The following RERE variants were observed in gnomAD, a reference collection of about 807,000 sequenced individuals.
RERE encodes the protein arginine-glutamic acid dipeptide repeats protein.
Under a neutral mutation model 146.1 loss-of-function variants are expected in RERE, and 40 were observed. The ratio of observed to expected loss-of-function variants is 0.27; its 90% confidence interval spans 0.21 to 0.36. The LOEUF (loss-of-function observed/expected upper bound fraction) is 0.36, where lower values mean the gene tolerates loss of function less well. RERE is among the 10% of genes least tolerant of loss of function. The probability of loss-of-function intolerance (pLI) is 1.00; values close to 1 mark genes in which losing one functional copy is unlikely to be tolerated. For missense variants in RERE, 1,933 were observed against 2,138.7 expected, an observed-to-expected ratio of 0.90 and a Z score of 1.90; for synonymous variants, 1,003 against 866.0, an observed-to-expected ratio of 1.16 and a Z score of -2.78.
At chr1:8,668,223 G>A (rs1241262626) in intron 1 of RERE, among the ~76,000 whole-genome samples, 1 of 152,170 alleles carries the variant, frequency 6.6e-6, no homozygotes. Flanking sequence ...AAATAAACTA[G>A]ACAAATTCAA....
At chr1:8,781,960 A>G (rs1395576388) in intron 1 of RERE, among the ~76,000 whole-genome samples, 1 of 152,198 alleles carries the variant, frequency 6.6e-6, no homozygotes, top group Admixed American at 6.5e-5. Context: ...CCCTGAAATT[A>G]TACCTGATTT....
At chr1:8,737,823 A>G (rs192193021) in intron 1 of RERE, among the ~76,000 whole-genome samples, 1 of 152,344 alleles carries the variant, frequency 6.6e-6, no homozygotes, top group African/African-American at 2.4e-5. Flanking sequence ...TAAAGATTTC[A>G]GCCTACACAC....
chr1:8,793,195 A>C (rs970765750), intron 1 of RERE, among the ~76,000 whole-genome samples: 1 of 150,040 alleles, frequency 6.7e-6, no homozygotes, highest in Non-Finnish European at 1.5e-5. Context: ...AGAAAGAAAG[A>C]AGGCTCTATT....
intron 1 of RERE, among the ~76,000 whole-genome samples, chr1:8,802,569 C>T (rs1476702332): frequency 6.6e-6 from 1 of 151,842 alleles, no homozygotes; most frequent in Non-Finnish European, 1.5e-5. Flanking sequence ...CACACCAACT[C>T]CTACACCAAA....
chr1:8,379,351 A>G (rs1425082109), intron 12 of RERE, among the ~76,000 whole-genome samples: 1 of 152,110 alleles, frequency 6.6e-6, no homozygotes, highest in African/African-American at 2.4e-5. Context: ...CATGCAGCCC[A>G]TACTTCACAG....
intron 7 of RERE, among the ~76,000 whole-genome samples, chr1:8,539,812 T>C (rs909049739): frequency 4.6e-5 from 7 of 151,932 alleles, no homozygotes; most frequent in Middle Eastern, 3.2e-3. Flanking sequence ...GTCTAGAAAA[T>C]AGCATCCAAT....
rs34958833 is a variant in RERE, at chr1:8,397,588, G to GAA, written c.1284+25137_1284+25138dup. Among the ~76,000 whole-genome samples the GAA allele has an allele frequency of 7.9e-5, 11 of 138,644 alleles. No homozygotes were observed. In the East Asian group the frequency reaches 1.3e-3, roughly 16 times the overall value. 91.0% of individuals were successfully genotyped at this position (138,644 alleles called of 152,430 possible). Reference sequence around the variant, plus strand: ...GTTGAGCAAAATCACACTCACACAGGAAAAAAAAAAAAAAACACATGAAAC... The same window carrying GAA: ...GTTGAGCAAAATCACACTCACACAGGAAAAAAAAAAAAAAAAACACATGAAAC... On this transcript the variant is annotated intron_variant, in intron 12 of 22. Transcript: ENST00000400908.
At chr1:8,367,058 A>C (rs1641836535) in intron 12 of RERE, among the ~76,000 whole-genome samples, 1 of 152,178 alleles carries the variant, frequency 6.6e-6, no homozygotes, top group South Asian at 2.1e-4. Context: ...GTTGTCTTGG[A>C]GGTACCTGCA....
At chr1:8,362,637 G>A in intron 16 of RERE, 46 bp downstream of exon 16, 2 of 1,612,368 alleles carry the variant, frequency 1.2e-6, no homozygotes, top group South Asian at 1.1e-5. Context: ...CAGTTTTAAT[G>A]TGAGGGAGGG....
At chr1:8,534,653 A>AAT (rs1251475225) in intron 7 of RERE, among the ~76,000 whole-genome samples, 1 of 152,116 alleles carries the variant, frequency 6.6e-6, no homozygotes, top group Non-Finnish European at 1.5e-5. Context: ...AATTAAATAA[A>AAT]ATAGGAGGCC....
intron 7 of RERE, among the ~76,000 whole-genome samples, chr1:8,531,382 G>C (rs1291439136): frequency 4.0e-5 from 6 of 151,754 alleles, no homozygotes; most frequent in Non-Finnish European, 8.8e-5. Context: ...GGCAGAAGCT[G>C]TAGTGAGGCC....
chr1:8,640,633 G>A (rs575235775), intron 2 of RERE, among the ~76,000 whole-genome samples: 1 of 152,180 alleles, frequency 6.6e-6, no homozygotes, highest in South Asian at 2.1e-4. Flanking sequence ...TTTTAATGGT[G>A]AAATAATGAA....
Position 8,544,026 on chromosome 1 carries a change from T to C in RERE, c.726-2708A>G, listed in dbSNP as rs1003359430. Among the ~76,000 whole-genome samples the C allele has an allele frequency of 3.9e-5, 6 of 152,212 alleles. No homozygotes were observed. In the East Asian group the frequency reaches 1.2e-3, roughly 29 times the overall value. ...GTGAACATCCTTGGCTAGTTCCTGA[T>C]GTCAGTGGAAATGTCTCTCATGTGT... On this transcript the variant is annotated intron_variant, in intron 6 of 22. Coordinates refer to ENST00000400908, the MANE Select transcript of RERE (RefSeq NM_001042681.2).
intron 12 of RERE, among the ~76,000 whole-genome samples, chr1:8,369,680 C>T (rs1442863096): frequency 1.3e-5 from 2 of 152,034 alleles, no homozygotes; most frequent in Non-Finnish European, 2.9e-5. Flanking sequence ...ACAGAATGCT[C>T]AAACCACGAT....
At chr1:8,459,548 T>G (rs1292025248) in intron 11 of RERE, among the ~76,000 whole-genome samples, 1 of 152,224 alleles carries the variant, frequency 6.6e-6, no homozygotes, top group African/African-American at 2.4e-5. Flanking sequence ...AATTTTCAAG[T>G]TATAATTTCT....
chr1:8,502,966 C>G (rs1570355295), intron 8 of RERE, among the ~76,000 whole-genome samples: 1 of 151,008 alleles, frequency 6.6e-6, no homozygotes, highest in East Asian at 1.9e-4. Flanking sequence ...GCCGCAGGGT[C>G]CTCTGCCTAG....
chr1:8,662,406 G>A (rs766414764), intron 1 of RERE, among the ~76,000 whole-genome samples: 12 of 152,160 alleles, frequency 7.9e-5, no homozygotes, highest in Non-Finnish European at 1.5e-4. Context: ...TGGATACAGC[G>A]GCTCATGCCT....
intron 1 of RERE, among the ~76,000 whole-genome samples, chr1:8,812,110 T>A (rs1322909270): frequency 6.6e-6 from 1 of 152,176 alleles, no homozygotes; most frequent in Admixed American, 6.5e-5. Flanking sequence ...TTCTGTTCCT[T>A]GCAATGAAAA....
intron 1 of RERE, among the ~76,000 whole-genome samples, chr1:8,739,896 T>C (rs1243660566): frequency 6.6e-6 from 1 of 151,192 alleles, no homozygotes; most frequent in Non-Finnish European, 1.5e-5. Context: ...AATAATAGTG[T>C]TAATCCCCCC....
Sources: allele counts gnomAD v4.1 joint callset (sites outside exome capture counted in the v4.1 genomes callset), GRCh38; gene constraint gnomAD v4.1.1; transcripts MANE v1.5; gene names NCBI Gene and HGNC (gene_info 2026-07-23, HGNC 2026-07-21).